Variants in SSH1 observed in about 807,000 individuals in gnomAD.
The protein encoded by SSH1 is slingshot protein phosphatase 1.
In SSH1, 43 loss-of-function variants were observed where a neutral mutation model predicts 79.7. That is an observed-to-expected ratio of 0.54 (90% CI 0.42 to 0.70). The LOEUF (loss-of-function observed/expected upper bound fraction) is 0.70, where lower values mean the gene tolerates loss of function less well. Ranked by LOEUF, SSH1 falls within the 30% of genes least tolerant of loss-of-function variation. The pLI, the probability that SSH1 is intolerant of heterozygous loss-of-function variation, is 0.00. For synonymous variants in SSH1, 599 were observed against 538.3 expected, an observed-to-expected ratio of 1.11 and a Z score of -1.56; for missense variants, 1,206 against 1,358.8, an observed-to-expected ratio of 0.89 and a Z score of 1.77.
At chr12:108,815,470 C>T (rs1259086675) in intron 5 of SSH1, among the ~76,000 whole-genome samples, 1 of 152,242 alleles carries the variant, frequency 6.6e-6, no homozygotes, top group East Asian at 1.9e-4. Context: ...ACAGGCCACA[C>T]TTGCGAGGGA....
At chr12:108,804,320 G>A (rs1021290354) in intron 10 of SSH1, among the ~76,000 whole-genome samples, 2 of 152,238 alleles carry the variant, frequency 1.3e-5, no homozygotes, top group African/African-American at 4.8e-5. Flanking sequence ...CTGAGGCTGA[G>A]GAGTGGGAAT....
chr12:108,822,154 T>C (rs1320201810), intron 3 of SSH1, among the ~76,000 whole-genome samples: 2 of 151,456 alleles, frequency 1.3e-5, no homozygotes, highest in African/African-American at 2.4e-5. Flanking sequence ...GTGAGCAACA[T>C]AGTGAGACCT....
chr12:108,839,312 T>C (rs1464912547), intron 2 of SSH1, among the ~76,000 whole-genome samples: 1 of 152,166 alleles, frequency 6.6e-6, no homozygotes, highest in Non-Finnish European at 1.5e-5. Context: ...CTTCTTGCTG[T>C]AGGGGCAGCC....
rs1004536109 is a variant in SSH1, at chr12:108,826,104, C to G, written c.111-2743G>C. The G allele has an allele frequency of 2.3e-4, 106 of 453,110 alleles. 1 individual carries two copies. The Admixed American group carries it at 2.6e-3, about 11-fold the overall frequency. The allele number at this position is 453,110 out of a possible 1,614,324, so 28.1% of individuals were successfully genotyped here. On this transcript the variant is annotated intron_variant, in intron 2 of 14. Coordinates refer to ENST00000326495, the MANE Select transcript of SSH1 (RefSeq NM_018984.4). ...TTAAAAAAAAAAAATTCATACTGAC[C>G]AGAAACCCAAGCACGCTGGAAACAG...
In SSH1 at chr12:108,856,183, T is replaced by A. The variant is rs1394931652; in HGVS notation, c.69+1245A>T. On this transcript the variant is annotated intron_variant, in intron 1 of 14. Transcript: ENST00000326495. The stretch of plus-strand genomic sequence containing the variant: ...TCTGCAGGCGGACACTCAGCCTTGT[T>A]ATAGGTAAGAGTTTAGACCAGAGGC... 2.6e-5 allele frequency among the ~76,000 whole-genome samples: 4 copies of A among 152,168 alleles called. No individual in the cohort carries two copies. In the East Asian group the frequency reaches 7.7e-4, roughly 29 times the overall value.
In SSH1 at chr12:108,783,228, C is replaced by T. The variant is rs533167050; in HGVS notation, c.*4760G>A. ...CAATGCCTGCCTGGCCTGCAGGAAC[C>T]GCCAGTGTTGTTTCTAGCAAGGCTC... is the stretch of plus-strand genomic sequence containing the variant. On this transcript the variant is annotated 3_prime_UTR_variant, in exon 15 of 15. Transcript: ENST00000326495. 1.5e-4 allele frequency: 23 copies of T among 152,308 alleles called. No homozygotes were observed. Among genetic ancestry groups the T allele is most frequent in the African/African-American group, 9.6e-5 (4 of 41,554 alleles). 9.4% of individuals were successfully genotyped at this position (152,308 alleles called of 1,614,324 possible).
intron 7 of SSH1, among the ~76,000 whole-genome samples, chr12:108,809,109 C>T (rs1393745079): frequency 2.7e-5 from 4 of 150,602 alleles, no homozygotes; most frequent in Non-Finnish European, 5.9e-5. Flanking sequence ...GCTGGGGTTA[C>T]AGTTGTGAGC....
intron 13 of SSH1, among the ~76,000 whole-genome samples, chr12:108,797,840 G>T (rs929689330): frequency 6.6e-6 from 1 of 152,184 alleles, no homozygotes; most frequent in Non-Finnish European, 1.5e-5. Context: ...CACCAGACAA[G>T]AATTCAGGAC....
At chr12:108,842,071 G>A (rs1036666397) in intron 2 of SSH1, among the ~76,000 whole-genome samples, 2 of 152,148 alleles carry the variant, frequency 1.3e-5, no homozygotes, top group African/African-American at 2.4e-5. Context: ...CGGGGCTGCA[G>A]TGAGCTGTAA....
At chr12:108,802,393 CTG>C in intron 10 of SSH1, 25 bp from the exon 11 acceptor site, 1 of 1,611,550 alleles carries the variant, frequency 6.2e-7, no homozygotes, top group Non-Finnish European at 8.5e-7. Context: ...ACACAAGCTC[CTG>C]TGAGTGTCAC....
chr12:108,783,407 A>C lies in SSH1; in HGVS notation c.*4581T>G, dbSNP rs1356260907. 1 of 152,256 alleles carries C rather than the reference A, an allele frequency of 6.6e-6. No individual in the cohort carries two copies. Among genetic ancestry groups the C allele is most frequent in the Non-Finnish European group, 1.5e-5 (1 of 68,044 alleles). The allele number at this position is 152,256 out of a possible 1,614,324, so 9.4% of individuals were successfully genotyped here. ...CTTTAACAGTTTTGCATAAATACAT[A>C]GTATTTGTAAACTATTATTAAGGCA... On this transcript the variant is annotated 3_prime_UTR_variant, in exon 15 of 15. Coordinates refer to ENST00000326495, the MANE Select transcript of SSH1 (RefSeq NM_018984.4).
rs2036235605 is a variant in SSH1 at position 108,785,124 on chromosome 12, T to C, written c.*2864A>G. On this transcript the variant is annotated 3_prime_UTR_variant, in exon 15 of 15. Coordinates refer to ENST00000326495, the MANE Select transcript of SSH1 (RefSeq NM_018984.4). ...TCATCTTGTTCATACAGCATTTTAT[T>C]TTTTTGAGACGGAGTTTCACTCCCA... 1 of 152,196 alleles carries C rather than the reference T, an allele frequency of 6.6e-6. No individual in the cohort carries two copies. The highest frequency in any genetic ancestry group is 2.4e-5 in the African/African-American group (1 of 41,428). 9.4% of individuals were successfully genotyped at this position (152,196 alleles called of 1,614,324 possible).
Position 108,809,761 on chromosome 12 carries a change from G to A in SSH1, c.471-3C>T, listed in dbSNP as rs779533349. 2.4e-5 allele frequency: 39 copies of A among 1,613,514 alleles called. No homozygotes were observed. The highest frequency in any genetic ancestry group is 3.1e-5 in the Non-Finnish European group (37 of 1,179,458). On this transcript the variant is annotated splice_polypyrimidine_tract_variant and splice_region_variant and intron_variant, in intron 6 of 14. Transcript: ENST00000326495. Reference sequence around the variant, plus strand: ...CTGCTGTGCTCACGCTGAACCCACTGAGAATAAAACACAGAGAGAAAGGTA... The same window carrying A: ...CTGCTGTGCTCACGCTGAACCCACTAAGAATAAAACACAGAGAGAAAGGTA...
intron 7 of SSH1, 80 bp downstream of exon 7, chr12:108,809,613 G>A: frequency 8.3e-7 from 1 of 1,208,500 alleles, no homozygotes; most frequent in Non-Finnish European, 1.2e-6. Flanking sequence ...CGAGCTTCTT[G>A]GTAGAAGGGG....
chr12:108,800,679 CT>C (rs1019727074), intron 12 of SSH1, 100 bp downstream of exon 12: 8 of 1,413,808 alleles, frequency 5.7e-6, no homozygotes, highest in Non-Finnish European at 7.0e-6. Flanking sequence ...AGGATCCCCC[CT>C]CCCACCAGCC....
chr12:108,813,312 C>T (rs2037713338), intron 5 of SSH1, among the ~76,000 whole-genome samples: 1 of 152,146 alleles, frequency 6.6e-6, no homozygotes, highest in Admixed American at 6.5e-5. Flanking sequence ...GGCAGGAGAC[C>T]AGCCTGTTCC....
chr12:108,822,183 C>G (rs1019838341), intron 3 of SSH1, among the ~76,000 whole-genome samples: 3 of 151,598 alleles, frequency 2.0e-5, no homozygotes, highest in Admixed American at 1.3e-4. Context: ...TACACACCCA[C>G]AAAAAACTAG....
intron 13 of SSH1, among the ~76,000 whole-genome samples, chr12:108,793,187 G>A (rs1055493287): frequency 6.6e-6 from 1 of 152,116 alleles, no homozygotes; most frequent in African/African-American, 2.4e-5. Context: ...TGTCAAATAA[G>A]AATAACAACG....
intron 13 of SSH1, among the ~76,000 whole-genome samples, chr12:108,798,475 A>T (rs546544012): frequency 1.3e-4 from 20 of 152,328 alleles, no homozygotes; most frequent in African/African-American, 4.8e-4. Flanking sequence ...AGCAGCTCGG[A>T]CTACAAGTGC....
Sources: gnomAD v4.1 joint callset for allele counts (sites outside exome capture counted in the v4.1 genomes callset) on GRCh38, gnomAD v4.1.1 for gene constraint, MANE v1.5 for transcripts, NCBI Gene and HGNC (gene_info 2026-07-23, HGNC 2026-07-21) for gene names.